The following GDAP2 variants were observed in gnomAD, a reference collection of about 807,000 sequenced individuals.
GDAP2 encodes ganglioside-induced differentiation-associated protein 2.
In GDAP2, 51 loss-of-function variants were observed where a neutral mutation model predicts 67.0. The ratio of observed to expected loss-of-function variants is 0.76; its 90% confidence interval spans 0.61 to 0.96. The LOEUF is 0.96. Ranked by LOEUF, GDAP2 falls within the 40% of genes least tolerant of loss-of-function variation. GDAP2 has a pLI of 0.00. For missense variants in GDAP2, 547 were observed against 588.3 expected (o/e 0.93, Z 0.73); for synonymous variants, 203 against 207.3 (o/e 0.98, Z 0.18).
chr1:117,897,997 A>AAAT (rs1557802108), intron 7 of GDAP2, among the ~76,000 whole-genome samples: 2 of 152,230 alleles, frequency 1.3e-5, no homozygotes, highest in Non-Finnish European at 2.9e-5. Context: ...ACTTGAAAAT[A>AAAT]TTTAAGAATG....
In GDAP2 at chr1:117,870,514, CT is replaced by C; in HGVS notation, c.*54del. ...CAATGAATATCACTTCAACAGGTAG[CT>C]ATTCGTGGAGGAAGTGGCATCCTGG... On this transcript the variant is annotated 3_prime_UTR_variant, in exon 14 of 14. Coordinates refer to ENST00000369443, the MANE Select transcript of GDAP2 (RefSeq NM_017686.4). The C allele has an allele frequency of 9.8e-7, 1 of 1,025,628 alleles. No homozygotes were observed. The highest frequency in any genetic ancestry group is 1.6e-6 in the Non-Finnish European group (1 of 642,674). The allele number at this position is 1,025,628 out of a possible 1,614,324, so 63.5% of individuals were successfully genotyped here.
chr1:117,912,352 C>T (rs953981457), intron 4 of GDAP2, among the ~76,000 whole-genome samples, 178 bp downstream of exon 4: 51 of 152,122 alleles, frequency 3.4e-4, no homozygotes, highest in African/African-American at 1.2e-3. Context: ...TCCCATTTAT[C>T]CCGCTAAGTT....
At chr1:117,876,543 A>G (rs1648461624) in intron 13 of GDAP2, among the ~76,000 whole-genome samples, 1 of 152,140 alleles carries the variant, frequency 6.6e-6, no homozygotes, top group Non-Finnish European at 1.5e-5. Flanking sequence ...TAACATCTCA[A>G]TTTTAGAAAG....
At position 117,920,080 on chromosome 1, in the gene GDAP2, C is replaced by A. The variant is rs113263060; in HGVS notation, c.176+102G>T. ...ACCTCAATAAAGTCATATACGTATACGCAAAGCTGTATTTCAACAATGCTA... is the reference window on the plus strand; with the variant it reads ...ACCTCAATAAAGTCATATACGTATAAGCAAAGCTGTATTTCAACAATGCTA... On this transcript the variant is annotated intron_variant, in intron 2 of 13. Coordinates refer to ENST00000369443, the MANE Select transcript of GDAP2 (RefSeq NM_017686.4). 6 of 673,406 alleles carry A rather than the reference C, an allele frequency of 8.9e-6. No homozygotes were observed. In the East Asian group the frequency reaches 1.0e-4, roughly 11 times the overall value. 41.7% of individuals were successfully genotyped at this position (673,406 alleles called of 1,614,324 possible).
intron 13 of GDAP2, among the ~76,000 whole-genome samples, chr1:117,875,034 A>G (rs1648405944): frequency 6.6e-6 from 1 of 152,232 alleles, no homozygotes; most frequent in Admixed American, 6.5e-5. Context: ...GTTGGAATTT[A>G]TAATTAAAAA....
chr1:117,920,738 A>G (rs779703783), intron 1 of GDAP2, among the ~76,000 whole-genome samples: 15 of 116,710 alleles, frequency 1.3e-4, no homozygotes, highest in South Asian at 3.3e-4. Flanking sequence ...CCTACTATTG[A>G]AAAAAAAAAA....
At chr1:117,898,866 A>G (rs1443810150) in intron 7 of GDAP2, among the ~76,000 whole-genome samples, 191 bp downstream of exon 7, 2 of 152,216 alleles carry the variant, frequency 1.3e-5, no homozygotes, top group African/African-American at 4.8e-5. Context: ...GACTTGACGT[A>G]TATCTATCTA....
chr1:117,903,663 G>A (rs1482127327), intron 6 of GDAP2, among the ~76,000 whole-genome samples: 1 of 151,972 alleles, frequency 6.6e-6, no homozygotes. Context: ...TATGTTGCTG[G>A]ATTTGGTTTG....
chr1:117,914,822 T>A (rs909672631), intron 3 of GDAP2, among the ~76,000 whole-genome samples: 5 of 152,174 alleles, frequency 3.3e-5, no homozygotes, highest in South Asian at 4.1e-4. Context: ...CTAAGCAAAT[T>A]ACCAATTAAG....
At chr1:117,907,102 TA>T (rs1649683558) in intron 5 of GDAP2, among the ~76,000 whole-genome samples, 1 of 152,132 alleles carries the variant, frequency 6.6e-6, no homozygotes, top group South Asian at 2.1e-4. Context: ...AAAGCTCAAT[TA>T]TTTTTTTCTT....
In GDAP2 at chr1:117,894,307, A is replaced by G. The variant is rs1416008343; in HGVS notation, c.953+2526T>C. ...CATGTCTGGCCAATTTTTTTCTTAA[A>G]GAGATCCTGAAATGCCTTTAGGAGG... is the stretch of plus-strand genomic sequence containing the variant. On this transcript the variant is annotated intron_variant, in intron 8 of 13. Coordinates refer to ENST00000369443, the MANE Select transcript of GDAP2 (RefSeq NM_017686.4). 2.6e-5 allele frequency among the ~76,000 whole-genome samples: 4 copies of G among 152,122 alleles called. No homozygotes were observed. The South Asian group carries it at 8.3e-4, about 32-fold the overall frequency.
chr1:117,916,650 A>C (rs1485315160), intron 3 of GDAP2, among the ~76,000 whole-genome samples: 1 of 152,180 alleles, frequency 6.6e-6, no homozygotes, highest in Non-Finnish European at 1.5e-5. Context: ...AGACAGAAAT[A>C]GATTTAAGAT....
chr1:117,870,579 G>A lies in GDAP2; in HGVS notation c.1484C>T (p.Pro495Leu). 1 of 1,604,276 alleles carries A rather than the reference G, an allele frequency of 6.2e-7. No individual in the cohort carries two copies. Among genetic ancestry groups the A allele is most frequent in the Middle Eastern group, 1.7e-4 (1 of 6,046 alleles). ...CTGAAAGATGGCAGGTCACAAATCT[G>A]GTGATGGGGGATATGATGTATAGTA... ...GPYYTSYPPS[P>L]DL Residue 495 changes from proline (P) to leucine (L), a missense_variant, in exon 14 of 14, where the codon CCA (proline) becomes CTA (leucine). Pro to Leu is a moderately conservative substitution (Grantham distance 98). Coordinates refer to ENST00000369443, the MANE Select transcript of GDAP2 (RefSeq NM_017686.4).
chr1:117,928,703 C>T (rs1346817827), intron 1 of GDAP2, among the ~76,000 whole-genome samples: 1 of 152,186 alleles, frequency 6.6e-6, no homozygotes, highest in African/African-American at 2.4e-5. Context: ...ATAATGTAGA[C>T]AAAAGTCTAA....
rs187660400 is a variant in GDAP2 at position 117,918,776 on chromosome 1, G to T, written c.177-40C>A. 6.4e-5 allele frequency: 96 copies of T among 1,502,560 alleles called. No homozygotes were observed. In the Admixed American group the frequency reaches 1.8e-3, roughly 29 times the overall value. 93.1% of individuals were successfully genotyped at this position (1,502,560 alleles called of 1,614,324 possible). A position where few individuals can be genotyped will look rare whatever the true frequency, so the allele number is the denominator to read the frequency against. ...AAGAATGAACAAGTGTGGGGAAAAAGAAGAAAAGAAACCTAGTTTCTAATT... is the reference window on the plus strand; with the variant it reads ...AAGAATGAACAAGTGTGGGGAAAAATAAGAAAAGAAACCTAGTTTCTAATT... On this transcript the variant is annotated intron_variant, in intron 2 of 13. Coordinates refer to ENST00000369443, the MANE Select transcript of GDAP2 (RefSeq NM_017686.4).
intron 13 of GDAP2, chr1:117,877,421 A>C: frequency 1.0e-6 from 1 of 979,990 alleles, no homozygotes; most frequent in Non-Finnish European, 1.2e-6. Context: ...AAAATTACTA[A>C]GGTGATATCA....
chr1:117,880,804 C>A (rs920461034), intron 12 of GDAP2, among the ~76,000 whole-genome samples: 1 of 152,152 alleles, frequency 6.6e-6, no homozygotes, highest in Non-Finnish European at 1.5e-5. Context: ...AGGTATACTG[C>A]AAAGCTTAAG....
intron 5 of GDAP2, among the ~76,000 whole-genome samples, chr1:117,909,088 C>T (rs1214226681): frequency 6.6e-6 from 1 of 152,190 alleles, no homozygotes. Context: ...CCACGCTCTT[C>T]CTTTCAAAGT....
At chr1:117,925,549 T>C (rs781600174) in intron 1 of GDAP2, among the ~76,000 whole-genome samples, 14 of 152,188 alleles carry the variant, frequency 9.2e-5, no homozygotes, top group Admixed American at 2.0e-4. Context: ...TTTTCTGTGA[T>C]AGGTAAAATC....
Sources: gnomAD v4.1 joint callset for allele counts (sites outside exome capture counted in the v4.1 genomes callset) on GRCh38, gnomAD v4.1.1 for gene constraint, MANE v1.5 for transcripts, NCBI Gene and HGNC (gene_info 2026-07-23, HGNC 2026-07-21) for gene names.